Variants in GALNT14 observed in about 807,000 individuals in gnomAD.
GALNT14 encodes the protein polypeptide N-acetylgalactosaminyltransferase 14.
In GALNT14, 60 loss-of-function variants were observed where a neutral mutation model predicts 77.5. The ratio of observed to expected loss-of-function variants is 0.77; its 90% CI spans 0.63 to 0.96. The LOEUF is 0.96. Among genes scored for constraint, GALNT14 ranks in the 40% least tolerant of loss-of-function variants. The probability of loss-of-function intolerance (pLI) is 0.00; values close to 1 mark genes in which losing one functional copy is unlikely to be tolerated. For synonymous variants in GALNT14, 280 were observed against 281.7 expected (o/e 0.99, Z 0.06); for missense variants, 710 against 731.0 (o/e 0.97, Z 0.33).
At chr2:31,040,460 G>T (rs2148498250) in intron 1 of GALNT14, among the ~76,000 whole-genome samples, 1 of 152,282 alleles carries the variant, frequency 6.6e-6, no homozygotes, top group South Asian at 2.1e-4. Context: ...GGCTGAGAAG[G>T]GCCTGGTTTC....
In GALNT14 at chr2:31,121,552, G is replaced by A. The variant is rs138037401; in HGVS notation, c.129+16406C>T. ...GGTTTTAGAACAAAAATAAGCAAAC[G>A]GCTTTATTTTTTAACTTTTCCGCAG... On this transcript the variant is annotated intron_variant, in intron 1 of 14. Coordinates refer to ENST00000349752, the MANE Select transcript of GALNT14 (RefSeq NM_024572.4). Among the ~76,000 whole-genome samples, 13 of 152,192 alleles carry A rather than the reference G, an allele frequency of 8.5e-5. No homozygotes were observed. The East Asian group carries it at 2.1e-3, about 25-fold the overall frequency.
At chr2:31,083,588 A>C (rs999034874) in intron 1 of GALNT14, among the ~76,000 whole-genome samples, 1 of 152,172 alleles carries the variant, frequency 6.6e-6, no homozygotes, top group African/African-American at 2.4e-5. Context: ...CCTCCACCCT[A>C]TGCCCCACTG....
chr2:30,971,459 A>G (rs1047117398), intron 2 of GALNT14, among the ~76,000 whole-genome samples: 4 of 152,132 alleles, frequency 2.6e-5, no homozygotes, highest in African/African-American at 7.2e-5. Context: ...CGGGATCTCT[A>G]TACGTGATGG....
chr2:31,108,830 G>A (rs1479339368), intron 1 of GALNT14, among the ~76,000 whole-genome samples: 1 of 152,134 alleles, frequency 6.6e-6, no homozygotes, highest in Non-Finnish European at 1.5e-5. Context: ...ACTGAGCTTT[G>A]GATTTTACAA....
Position 31,045,637 on chromosome 2 carries a change from A to G in GALNT14, c.130-52630T>C, listed in dbSNP as rs568923530. ...ACAACCACGCCTGGCTAATTTTTGC[A>G]TTTTTTGTAGAGACAGGGTTTCACC... On this transcript the variant is annotated intron_variant, in intron 1 of 14. Coordinates refer to ENST00000349752, the MANE Select transcript of GALNT14 (RefSeq NM_024572.4). Among the ~76,000 whole-genome samples the G allele has an allele frequency of 9.9e-5, 15 of 152,014 alleles. No homozygotes were observed. In the South Asian group the frequency reaches 3.1e-3, roughly 32 times the overall value.
chr2:30,969,764 C>A (rs766897622), intron 2 of GALNT14, among the ~76,000 whole-genome samples: 1 of 152,148 alleles, frequency 6.6e-6, no homozygotes, highest in Admixed American at 6.5e-5. Context: ...GCTGTGGGTA[C>A]GTGAGCCAAT....
intron 1 of GALNT14, among the ~76,000 whole-genome samples, chr2:31,137,503 G>T (rs1008908337): frequency 6.6e-6 from 1 of 152,134 alleles, no homozygotes; most frequent in East Asian, 1.9e-4. Flanking sequence ...AGGCGCGCGC[G>T]GCGCACCCGG....
chr2:30,910,750 G>T lies in GALNT14; in HGVS notation c.*151C>A. ...TGTGATGTTTTCCTCTGTCCTCCCTGAGACAGTTGCTCCTGTCCTGGGGGG... is the reference window on the plus strand; with the variant it reads ...TGTGATGTTTTCCTCTGTCCTCCCTTAGACAGTTGCTCCTGTCCTGGGGGG... On this transcript the variant is annotated 3_prime_UTR_variant, in exon 15 of 15. Coordinates refer to ENST00000349752, the MANE Select transcript of GALNT14 (RefSeq NM_024572.4). 1.4e-6 allele frequency: 1 copy of T among 733,122 alleles called. No homozygotes were observed. The highest frequency in any genetic ancestry group is 2.2e-6 in the Non-Finnish European group (1 of 457,750). The allele number at this position is 733,122 out of a possible 1,614,324, so 45.4% of individuals were successfully genotyped here. A position where few individuals can be genotyped will look rare whatever the true frequency, so the allele number is the denominator to read the frequency against.
intron 4 of GALNT14, among the ~76,000 whole-genome samples, chr2:30,957,094 G>T (rs562019728): frequency 6.6e-6 from 1 of 152,042 alleles, no homozygotes; most frequent in East Asian, 1.9e-4. Flanking sequence ...TCCATATCTT[G>T]GCTCCACCAT....
intron 1 of GALNT14, among the ~76,000 whole-genome samples, chr2:31,069,049 G>A (rs1339867454): frequency 6.6e-6 from 1 of 152,164 alleles, no homozygotes; most frequent in African/African-American, 2.4e-5. Context: ...TCTTTTGGAG[G>A]TCAAAGATGT....
At chr2:30,992,224 C>T (rs560161223) in intron 2 of GALNT14, among the ~76,000 whole-genome samples, 1 of 152,178 alleles carries the variant, frequency 6.6e-6, no homozygotes, top group Non-Finnish European at 1.5e-5. Flanking sequence ...TGCTAGGAAA[C>T]AAAACTTTCT....
chr2:30,944,563 G>C (rs1666571673), intron 8 of GALNT14, among the ~76,000 whole-genome samples: 1 of 152,150 alleles, frequency 6.6e-6, no homozygotes, highest in East Asian at 1.9e-4. Context: ...AGGCCGAATG[G>C]GACCACTCAA....
intron 1 of GALNT14, among the ~76,000 whole-genome samples, chr2:31,086,427 C>T (rs1053991399): frequency 2.0e-5 from 3 of 152,122 alleles, no homozygotes; most frequent in African/African-American, 7.2e-5. Flanking sequence ...CCTTTCCCTC[C>T]CGTGCCAGGC....
intron 1 of GALNT14, among the ~76,000 whole-genome samples, chr2:31,122,801 TCA>T (rs930925652): frequency 1.1e-4 from 16 of 152,320 alleles, no homozygotes; most frequent in Admixed American, 7.2e-4. Flanking sequence ...GTTTTGTGGG[TCA>T]CACAGTCTCC....
chr2:31,124,015 T>G (rs555282191), intron 1 of GALNT14, among the ~76,000 whole-genome samples: 2 of 152,292 alleles, frequency 1.3e-5, no homozygotes, highest in South Asian at 2.1e-4. Context: ...AGAGAGCCAC[T>G]GCTACACACT....
chr2:31,121,354 A>T (rs1678404555), intron 1 of GALNT14, among the ~76,000 whole-genome samples: 1 of 152,212 alleles, frequency 6.6e-6, no homozygotes, highest in African/African-American at 2.4e-5. Context: ...ACGCTCATTT[A>T]GGCCAGAAGG....
At chr2:31,060,771 C>T (rs570265379) in intron 1 of GALNT14, among the ~76,000 whole-genome samples, 8 of 152,226 alleles carry the variant, frequency 5.3e-5, no homozygotes, top group African/African-American at 9.6e-5. Context: ...GTGAGGGGCC[C>T]GAAGACAGCC....
chr2:31,087,465 G>C (rs2148592852), intron 1 of GALNT14, among the ~76,000 whole-genome samples: 1 of 152,240 alleles, frequency 6.6e-6, no homozygotes, highest in East Asian at 1.9e-4. Flanking sequence ...CAGGGGACAG[G>C]AGGAGACAGG....
chr2:31,049,999 A>G (rs1158212209), intron 1 of GALNT14, among the ~76,000 whole-genome samples: 1 of 152,110 alleles, frequency 6.6e-6, no homozygotes, highest in Non-Finnish European at 1.5e-5. Flanking sequence ...AATAAATACA[A>G]TGGGCAGCGA....
Sources: gnomAD v4.1 joint callset for allele counts (sites outside exome capture counted in the v4.1 genomes callset) on GRCh38, gnomAD v4.1.1 for gene constraint, MANE v1.5 for transcripts, NCBI Gene and HGNC (gene_info 2026-07-23, HGNC 2026-07-21) for gene names.